The following KCNK5 variants were observed in gnomAD, a reference collection of about 807,000 sequenced individuals.
The protein encoded by KCNK5 is potassium channel subfamily K member 5.
Under a neutral mutation model 32.9 loss-of-function variants are expected in KCNK5, and 18 were observed. The ratio of observed to expected loss-of-function variants is 0.55; its 90% CI spans 0.38 to 0.81. The LOEUF (loss-of-function observed/expected upper bound fraction) is 0.81. KCNK5 is among the 30% of genes least tolerant of loss of function. The pLI, the probability that KCNK5 is intolerant of heterozygous loss-of-function variation, is 0.00. For synonymous variants in KCNK5, 276 were observed against 275.3 expected, an observed-to-expected ratio of 1.00 and a Z score of -0.03; for missense variants, 507 against 651.0, an observed-to-expected ratio of 0.78 and a Z score of 2.41.
At position 39,229,445 on chromosome 6, in the gene KCNK5, G is replaced by A. The variant is rs1024233799; in HGVS notation, c.-334C>T. On this transcript the variant is annotated 5_prime_UTR_variant, in exon 1 of 5. In the 5' UTR this introduces an upstream ATG that the reference lacks. Coordinates refer to ENST00000359534, the MANE Select transcript of KCNK5 (RefSeq NM_003740.4). ...AGACACGTGGGCCGCTTCTCCACGC[G>A]TCGCTCCTCCGCGCGCCACTAGCAG... The A allele has an allele frequency of 1.1e-5, 3 of 274,732 alleles. No homozygotes were observed. The highest frequency in any genetic ancestry group is 2.1e-5 in the Non-Finnish European group (3 of 142,952). 17.0% of individuals were successfully genotyped at this position (274,732 alleles called of 1,614,324 possible). A position where few individuals can be genotyped will look rare whatever the true frequency, so the allele number is the denominator to read the frequency against.
chr6:39,190,532 A>G lies in KCNK5; in HGVS notation c.*358T>C. ...TTAAACAGCTGAGGCCCCAGACCTC[A>G]GAGAACCGTGTGATACTCCACCAAA... On this transcript the variant is annotated 3_prime_UTR_variant, in exon 5 of 5. Transcript: ENST00000359534. 1 of 185,372 alleles carries G rather than the reference A, an allele frequency of 5.4e-6. No homozygotes were observed. 11.5% of individuals were successfully genotyped at this position (185,372 alleles called of 1,614,324 possible). A position where few individuals can be genotyped will look rare whatever the true frequency, so the allele number is the denominator to read the frequency against.
chr6:39,198,941 T>A (rs1771077965), intron 1 of KCNK5, among the ~76,000 whole-genome samples: 1 of 152,224 alleles, frequency 6.6e-6, no homozygotes, highest in Non-Finnish European at 1.5e-5. Context: ...AAGGTATGTC[T>A]GGAACAGGGG....
At chr6:39,201,509 C>G (rs1182828130) in intron 1 of KCNK5, among the ~76,000 whole-genome samples, 1 of 152,142 alleles carries the variant, frequency 6.6e-6, no homozygotes, top group Non-Finnish European at 1.5e-5. Context: ...CCTCGGGCTC[C>G]CAAAGTGCTG....
chr6:39,200,438 A>G lies in KCNK5; in HGVS notation c.187-4451T>C, dbSNP rs1014771054. Among the ~76,000 whole-genome samples, 3 of 152,156 alleles carry G rather than the reference A, an allele frequency of 2.0e-5. No individual in the cohort carries two copies. In the East Asian group the frequency reaches 5.8e-4, roughly 29 times the overall value. ...CCTTTAGCTCATTTAGAGAGGACAG[A>G]TTCTTGCTGGGAAGATACTATAATT... is the stretch of plus-strand genomic sequence containing the variant. On this transcript the variant is annotated intron_variant, in intron 1 of 4. Coordinates refer to ENST00000359534, the MANE Select transcript of KCNK5 (RefSeq NM_003740.4).
chr6:39,213,340 C>G (rs1430580500), intron 1 of KCNK5, among the ~76,000 whole-genome samples: 2 of 152,176 alleles, frequency 1.3e-5, no homozygotes, highest in East Asian at 1.9e-4. Flanking sequence ...TCCTGTCTCC[C>G]CAACTCGGCC....
chr6:39,229,088 G>C lies in KCNK5; in HGVS notation c.24C>G (p.Leu8=). 1 of 1,614,174 alleles carries C rather than the reference G, an allele frequency of 6.2e-7. No individual in the cohort carries two copies. The highest frequency in any genetic ancestry group is 1.3e-5 in the African/African-American group (1 of 75,074). Residue 8 remains leucine (L), a synonymous_variant, in exon 1 of 5, where the codon CTC becomes CTG. Coordinates refer to ENST00000359534, the MANE Select transcript of KCNK5 (RefSeq NM_003740.4). The stretch of plus-strand genomic sequence containing the variant: ...CCAGGTAGAAGATGATGGCCGAGGT[G>C]AGCAGAGGGCCCCGGTCCACCATGG... MVDRGPL[L]TSAIIFYLAI... is the part of the protein sequence containing the mutation.
intron 1 of KCNK5, among the ~76,000 whole-genome samples, chr6:39,197,141 A>G (rs1771045156): frequency 6.6e-6 from 1 of 152,228 alleles, no homozygotes; most frequent in South Asian, 2.1e-4. Context: ...CAAATTGCCT[A>G]TAAAAACCAA....
intron 1 of KCNK5, among the ~76,000 whole-genome samples, chr6:39,222,200 T>TTGGC (rs1184379576): frequency 6.6e-6 from 1 of 152,168 alleles, no homozygotes; most frequent in African/African-American, 2.4e-5. Flanking sequence ...CGGAATGTCT[T>TTGGC]TGGCTGGGCC....
intron 1 of KCNK5, among the ~76,000 whole-genome samples, chr6:39,197,248 G>T (rs1771047536): frequency 6.6e-6 from 1 of 152,168 alleles, no homozygotes; most frequent in Non-Finnish European, 1.5e-5. Flanking sequence ...CATGACTGAG[G>T]TTTGGTGGGA....
intron 1 of KCNK5, among the ~76,000 whole-genome samples, chr6:39,201,186 A>G (rs188126434): frequency 6.6e-6 from 1 of 151,838 alleles, no homozygotes; most frequent in African/African-American, 2.4e-5. Context: ...TTAATGGGTT[A>G]ATGGGTTAAT....
intron 1 of KCNK5, among the ~76,000 whole-genome samples, chr6:39,217,412 T>C (rs1323425417): frequency 6.6e-6 from 1 of 152,216 alleles, no homozygotes; most frequent in Non-Finnish European, 1.5e-5. Flanking sequence ...GATCCTTGAC[T>C]GCTGGAGCAG....
chr6:39,216,270 G>A (rs566719241), intron 1 of KCNK5, among the ~76,000 whole-genome samples: 2 of 152,188 alleles, frequency 1.3e-5, no homozygotes, highest in Non-Finnish European at 2.9e-5. Context: ...GGGCGACAGA[G>A]TGAGACTCCA....
chr6:39,191,152 A>C lies in KCNK5; in HGVS notation c.1238T>G (p.Leu413Arg), dbSNP rs1223819634. ...EPWDAQDYHP[L>R]IFQDASITFV... Reference sequence around the variant, plus strand: ...GGTGATGCTGGCGTCCTGGAAGATGAGTGGGTGGTAGTCCTGGGCGTCCCA... The same window carrying C: ...GGTGATGCTGGCGTCCTGGAAGATGCGTGGGTGGTAGTCCTGGGCGTCCCA... The change falls in exon 5 of 5, where the codon CTC becomes CGC. Residue 413 changes from leucine (L) to arginine (R), a missense_variant. Leu to Arg is a moderately radical substitution (Grantham distance 102). Coordinates refer to ENST00000359534, the MANE Select transcript of KCNK5 (RefSeq NM_003740.4). The surrounding 1 kb of genome is among the most constrained non-coding windows in gnomAD (Gnocchi z 5.8). 3 of 1,613,992 alleles carry C rather than the reference A, an allele frequency of 1.9e-6. No homozygotes were observed. Among genetic ancestry groups the C allele is most frequent in the Admixed American group, 1.7e-5 (1 of 60,006 alleles).
In KCNK5 at chr6:39,190,724, C is replaced by T; in HGVS notation, c.*166G>A. ...TGGAGAACAGAGGCCCTGTCCCGGG[C>T]ATACATCTAGCTGAGGATGATGGAA... On this transcript the variant is annotated 3_prime_UTR_variant, in exon 5 of 5. Coordinates refer to ENST00000359534, the MANE Select transcript of KCNK5 (RefSeq NM_003740.4). The T allele has an allele frequency of 1.7e-6, 1 of 604,550 alleles. No homozygotes were observed. The allele number at this position is 604,550 out of a possible 1,614,324, so 37.4% of individuals were successfully genotyped here.
Position 39,194,099 on chromosome 6 carries a change from C to T in KCNK5, c.634+70G>A. ...ACATGGAACCCTACCTAGGGCACCC[C>T]CAACATAGGTCTGTTGCACTGAAAC... On this transcript the variant is annotated intron_variant, in intron 4 of 4. Transcript: ENST00000359534. This position sits in a 1 kb window ranked among gnomAD's most constrained non-coding sequence, Gnocchi z 4.7. 5 of 1,565,418 alleles carry T rather than the reference C, an allele frequency of 3.2e-6. No individual in the cohort carries two copies. Among genetic ancestry groups the T allele is most frequent in the Admixed American group, 1.7e-5 (1 of 59,660 alleles).
intron 1 of KCNK5, among the ~76,000 whole-genome samples, chr6:39,201,274 G>A (rs918675209): frequency 2.2e-4 from 32 of 144,992 alleles, no homozygotes; most frequent in East Asian, 2.0e-3. Context: ...TTTTTGCGAT[G>A]AGAGTCTCAC....
Position 39,229,082 on chromosome 6 carries a change from C to T in KCNK5, c.30G>A (p.Ser10=), listed in dbSNP as rs370837424. The T allele has an allele frequency of 6.8e-6, 11 of 1,613,994 alleles. No individual in the cohort carries two copies. In the African/African-American group the frequency reaches 1.3e-4, roughly 20 times the overall value. MVDRGPLLT[S]AIIFYLAIGA... is the part of the protein sequence containing the mutation. ...CGATGGCCAGGTAGAAGATGATGGC[C>T]GAGGTGAGCAGAGGGCCCCGGTCCA... is the stretch of plus-strand genomic sequence containing the variant. The change falls in exon 1 of 5, where the codon TCG becomes TCA. Residue 10 remains serine, a synonymous_variant. Transcript: ENST00000359534.
chr6:39,194,097 C>T lies in KCNK5; in HGVS notation c.634+72G>A, dbSNP rs539054579. On this transcript the variant is annotated intron_variant, in intron 4 of 4. Coordinates refer to ENST00000359534, the MANE Select transcript of KCNK5 (RefSeq NM_003740.4). The surrounding 1 kb of genome is among the most constrained non-coding windows in gnomAD (Gnocchi z 4.7). ...GAACATGGAACCCTACCTAGGGCAC[C>T]CCCAACATAGGTCTGTTGCACTGAA... The T allele has an allele frequency of 1.8e-4, 280 of 1,550,354 alleles. 1 individual carries two copies. Among genetic ancestry groups the T allele is most frequent in the Non-Finnish European group, 2.3e-4 (259 of 1,123,696 alleles).
At chr6:39,193,425 T>A (rs1409302124) in intron 4 of KCNK5, among the ~76,000 whole-genome samples, 1 of 151,660 alleles carries the variant, frequency 6.6e-6, no homozygotes, top group Non-Finnish European at 1.5e-5. Flanking sequence ...AGGGAGGGGG[T>A]ACAGAACAGA....
Sources: allele counts gnomAD v4.1 joint callset (sites outside exome capture counted in the v4.1 genomes callset), GRCh38; gene constraint gnomAD v4.1.1; non-coding constraint Gnocchi (gnomAD v3.1); transcripts MANE v1.5; gene names NCBI Gene and HGNC (gene_info 2026-07-23, HGNC 2026-07-21).